Variants in SEC24B observed in about 807,000 individuals in gnomAD.
The protein encoded by SEC24B is protein transport protein Sec24B.
A neutral mutation model predicts 142.8 loss-of-function variants in SEC24B; 45 were observed. The ratio of observed to expected loss-of-function variants is 0.32; its 90% CI spans 0.25 to 0.40. The LOEUF (loss-of-function observed/expected upper bound fraction) is 0.40. Ranked by LOEUF, SEC24B falls within the 10% of genes least tolerant of loss-of-function variation. The pLI is 1.00. For synonymous variants in SEC24B, 574 were observed against 568.2 expected, an observed-to-expected ratio of 1.01 and a Z score of -0.15; for missense variants, 1,409 against 1,526.8, an observed-to-expected ratio of 0.92 and a Z score of 1.29.
In SEC24B at chr4:109,463,456, A is replaced by C; in HGVS notation, c.689A>C (p.Gln230Pro). 1 of 1,614,198 alleles carries C rather than the reference A, an allele frequency of 6.2e-7. No homozygotes were observed. Among genetic ancestry groups the C allele is most frequent in the Non-Finnish European group, 8.5e-7 (1 of 1,180,034 alleles). ...GTTAAAGATAATTCATTCTCTGGTCAAAATACAGCTATCAGCCATCCATCG... is the reference window on the plus strand; with the variant it reads ...GTTAAAGATAATTCATTCTCTGGTCCAAATACAGCTATCAGCCATCCATCG... Reference protein sequence around the residue: ...RPVKDNSFSGQNTAISHPSPL... With the variant: ...RPVKDNSFSGPNTAISHPSPL... Residue 230 changes from glutamine to proline, a missense_variant, in exon 2 of 24, where the codon CAA becomes CCA. Physicochemically the swap from Gln to Pro is moderately conservative, Grantham distance 76. Coordinates refer to ENST00000265175, the MANE Select transcript of SEC24B (RefSeq NM_006323.5).
chr4:109,451,565 GT>G (rs1257665232), intron 1 of SEC24B, among the ~76,000 whole-genome samples: 9 of 151,960 alleles, frequency 5.9e-5, no homozygotes, highest in Admixed American at 5.9e-4. Flanking sequence ...TCTTTTTGTT[GT>G]TTGGCCACTT....
At chr4:109,446,485 G>C (rs1729474924) in intron 1 of SEC24B, among the ~76,000 whole-genome samples, 1 of 152,198 alleles carries the variant, frequency 6.6e-6, no homozygotes, top group Admixed American at 6.5e-5. Flanking sequence ...AGAACTCTAA[G>C]AGAATAAATT....
chr4:109,502,935 A>G (rs1355796886), intron 6 of SEC24B, among the ~76,000 whole-genome samples: 1 of 150,868 alleles, frequency 6.6e-6, no homozygotes, highest in Non-Finnish European at 1.5e-5. Flanking sequence ...ATAAGTGTAA[A>G]CCTTTTGTGT....
chr4:109,436,721 T>G (rs1238283485), intron 1 of SEC24B, among the ~76,000 whole-genome samples: 1 of 152,206 alleles, frequency 6.6e-6, no homozygotes, highest in Non-Finnish European at 1.5e-5. Context: ...GTTGGGACTT[T>G]GAGTCCCCAC....
Position 109,513,853 on chromosome 4 carries a change from C to T in SEC24B, c.2010C>T (p.Tyr670=), listed in dbSNP as rs752986650. 6 of 1,574,622 alleles carry T rather than the reference C, an allele frequency of 3.8e-6. No homozygotes were observed. The highest frequency in any genetic ancestry group is 5.2e-6 in the Non-Finnish European group (6 of 1,144,220). The change falls in exon 10 of 24, where the codon TAC becomes TAT. Residue 670 remains tyrosine, a synonymous_variant. Transcript: ENST00000265175. ...STVEFIASSD[Y]MLRPPQPAVY... ...TGGAGTTCATTGCTTCTTCAGATTA[C>T]ATGGTAACTATTCAGTGTTAAGATT...
intron 11 of SEC24B, among the ~76,000 whole-genome samples, chr4:109,517,849 A>C (rs1331817894): frequency 6.6e-6 from 1 of 152,194 alleles, no homozygotes; most frequent in Non-Finnish European, 1.5e-5. Flanking sequence ...TTTTAATTGC[A>C]CTGATGACAG....
intron 11 of SEC24B, among the ~76,000 whole-genome samples, chr4:109,519,141 G>A (rs1299655022): frequency 6.6e-6 from 1 of 152,076 alleles, no homozygotes; most frequent in South Asian, 2.1e-4. Context: ...CCCCAAGAGG[G>A]TACACCATTC....
chr4:109,453,913 A>G (rs1192771349), intron 1 of SEC24B, among the ~76,000 whole-genome samples: 1 of 152,144 alleles, frequency 6.6e-6, no homozygotes, highest in Admixed American at 6.5e-5. Context: ...GCTGGAGTGC[A>G]ATGGCGTGAT....
At chr4:109,434,075 G>A in intron 1 of SEC24B, 73 bp downstream of exon 1, 2 of 969,966 alleles carry the variant, frequency 2.1e-6, no homozygotes, top group Non-Finnish European at 2.5e-6. Context: ...CATCGGGGCG[G>A]GGCGGGCCGG....
intron 22 of SEC24B, among the ~76,000 whole-genome samples, chr4:109,534,265 A>G (rs1489400971): frequency 1.4e-5 from 2 of 142,740 alleles, no homozygotes; most frequent in Non-Finnish European, 3.0e-5. Context: ...AGATCACTAG[A>G]AGAAATATTT....
At chr4:109,533,062 C>T (rs936320388) in intron 21 of SEC24B, among the ~76,000 whole-genome samples, 1 of 152,096 alleles carries the variant, frequency 6.6e-6, no homozygotes, top group Non-Finnish European at 1.5e-5. Context: ...AGGGACTTTA[C>T]CATCTAGAGT....
chr4:109,437,388 A>G (rs1223792031), intron 1 of SEC24B, among the ~76,000 whole-genome samples: 1 of 151,982 alleles, frequency 6.6e-6, no homozygotes, highest in Non-Finnish European at 1.5e-5. Flanking sequence ...GGCTCAAGTG[A>G]TCCTCCTGCC....
At chr4:109,529,245 A>G (rs1724621629) in intron 18 of SEC24B, among the ~76,000 whole-genome samples, 1 of 152,138 alleles carries the variant, frequency 6.6e-6, no homozygotes, top group Non-Finnish European at 1.5e-5. Flanking sequence ...TATCAGATTT[A>G]TTTCTTAATT....
Position 109,439,474 on chromosome 4 carries a change from ATTTTTTTTTTTTTTTTTTTTTTTTTTTTT to A in SEC24B, c.133+5489_133+5517del, listed in dbSNP as rs70949077. Among the ~76,000 whole-genome samples the A allele has an allele frequency of 1.0e-3, 46 of 43,998 alleles. No individual in the cohort carries two copies. The South Asian group carries it at 0.03, about 29-fold the overall frequency. The allele number at this position is 43,998 out of a possible 152,430, so 28.9% of individuals were successfully genotyped here. ...GAATACATAATTTCCTCCTAAGCTG[ATTTTTTTTTTTTTTTTTTTTTTTTTTTTT>A]TTTTTTTTTTTTTTTTGAGACTGAG... On this transcript the variant is annotated intron_variant, in intron 1 of 23. Coordinates refer to ENST00000265175, the MANE Select transcript of SEC24B (RefSeq NM_006323.5).
chr4:109,473,157 C>T lies in SEC24B; in HGVS notation c.1031C>T (p.Thr344Ile). The change falls in exon 3 of 24, where the codon ACA (threonine) becomes ATA (isoleucine). Residue 344 changes from threonine to isoleucine, a missense_variant. Physicochemically the swap from Thr to Ile is moderately conservative, Grantham distance 89. This residue lies in a region of SEC24B where 709 missense variants were observed against 673.5 expected (regional missense o/e 1.05). Coordinates refer to ENST00000265175, the MANE Select transcript of SEC24B (RefSeq NM_006323.5). ...CCAGTTGAGCCTGTGACCTCAGTTACACAGCCATCAGAGCTATTACAACAA... is the reference window on the plus strand; with the variant it reads ...CCAGTTGAGCCTGTGACCTCAGTTATACAGCCATCAGAGCTATTACAACAA... Reference protein sequence around the residue: ...NHPVEPVTSVTQPSELLQQKG... With the variant: ...NHPVEPVTSVIQPSELLQQKG... 1 of 1,589,304 alleles carries T rather than the reference C, an allele frequency of 6.3e-7. No individual in the cohort carries two copies. The highest frequency in any genetic ancestry group is 1.1e-5 in the South Asian group (1 of 87,396).
chr4:109,443,297 GT>G (rs1305236199), intron 1 of SEC24B, among the ~76,000 whole-genome samples: 1 of 152,120 alleles, frequency 6.6e-6, no homozygotes, highest in Non-Finnish European at 1.5e-5. Flanking sequence ...ACAGAATTCT[GT>G]TCCCTCTCTT....
chr4:109,457,338 C>T (rs1005968014), intron 1 of SEC24B, among the ~76,000 whole-genome samples: 2 of 152,316 alleles, frequency 1.3e-5, no homozygotes, highest in East Asian at 1.9e-4. Flanking sequence ...GCTACTATGA[C>T]AGAATGCCTG....
intron 11 of SEC24B, among the ~76,000 whole-genome samples, chr4:109,518,560 C>G (rs1325431738): frequency 1.3e-5 from 2 of 152,170 alleles, no homozygotes; most frequent in Admixed American, 6.5e-5. Context: ...TATCACTGAT[C>G]TTGGCCTGAA....
intron 2 of SEC24B, among the ~76,000 whole-genome samples, chr4:109,471,662 T>G (rs1561100233): frequency 6.6e-6 from 1 of 152,130 alleles, no homozygotes; most frequent in Non-Finnish European, 1.5e-5. Context: ...TGCTGGAGGT[T>G]TGCGGGACTA....
Sources: allele counts gnomAD v4.1 joint callset (sites outside exome capture counted in the v4.1 genomes callset), GRCh38; gene constraint gnomAD v4.1.1; regional missense constraint gnomAD v4.1.1; transcripts MANE v1.5; gene names NCBI Gene and HGNC (gene_info 2026-07-23, HGNC 2026-07-21).